RABGAP1L: variants seen among roughly 807,000 people sequenced by gnomAD.
The protein encoded by RABGAP1L is rab GTPase-activating protein 1-like.
In RABGAP1L, 63 loss-of-function variants were observed where a neutral mutation model predicts 137.7. That is an observed-to-expected ratio of 0.46 (90% CI 0.37 to 0.56). RABGAP1L has a LOEUF of 0.56. RABGAP1L is among the 20% of genes least tolerant of loss of function. The pLI, the probability that RABGAP1L is intolerant of heterozygous loss-of-function variation, is 0.00. For synonymous variants in RABGAP1L, 431 were observed against 433.7 expected (o/e 0.99, Z 0.08); for missense variants, 1,095 against 1,244.0 (o/e 0.88, Z 1.80).
At position 174,919,625 on chromosome 1, in the gene RABGAP1L, G is replaced by A. The variant is rs1661477425; in HGVS notation, c.2341-37832G>A. Among the ~76,000 whole-genome samples the A allele has an allele frequency of 2.0e-5, 3 of 152,278 alleles. No homozygotes were observed. The South Asian group carries it at 6.2e-4, about 32-fold the overall frequency. On this transcript the variant is annotated intron_variant, in intron 19 of 25. Coordinates refer to ENST00000681986, the MANE Select transcript of RABGAP1L (RefSeq NM_001366446.1). ...TCTCAGTACTTTGGGAGGCCAAGGT[G>A]GGAGGATTGCTTGAATCCAGGAATT...
At chr1:174,333,221 G>A (rs1256437078) in intron 11 of RABGAP1L, among the ~76,000 whole-genome samples, 9 of 152,156 alleles carry the variant, frequency 5.9e-5, no homozygotes, top group Non-Finnish European at 1.2e-4. Flanking sequence ...GTTACAGTTA[G>A]GTAAGAGGAA....
intron 18 of RABGAP1L, among the ~76,000 whole-genome samples, chr1:174,763,234 A>T (rs1337892682): frequency 6.6e-6 from 1 of 151,884 alleles, no homozygotes; most frequent in African/African-American, 2.4e-5. Flanking sequence ...ATGTACAATT[A>T]GTGGCTGGGT....
chr1:174,419,666 G>C (rs1651024881), intron 13 of RABGAP1L, among the ~76,000 whole-genome samples: 1 of 152,126 alleles, frequency 6.6e-6, no homozygotes, highest in Non-Finnish European at 1.5e-5. Context: ...AGAATATTAT[G>C]TAAATAAATA....
Position 174,972,796 on chromosome 1 carries a change from G to A in RABGAP1L, c.2545-3282G>A, listed in dbSNP as rs151114710. ...TTGAACCTGGGAGGTGGAGGTTGCA[G>A]TGAGCCAAGATCGCACCATTGTACT... On this transcript the variant is annotated intron_variant, in intron 21 of 25. Coordinates refer to ENST00000681986, the MANE Select transcript of RABGAP1L (RefSeq NM_001366446.1). Among the ~76,000 whole-genome samples the A allele has an allele frequency of 2.7e-3, 375 of 139,602 alleles. 2 individuals are homozygous for A. The highest frequency in any genetic ancestry group is 4.4e-3 in the Non-Finnish European group (292 of 66,304). 91.6% of individuals were successfully genotyped at this position (139,602 alleles called of 152,430 possible).
chr1:174,252,628 A>G (rs1455514318), intron 7 of RABGAP1L, 38 bp downstream of exon 7: 4 of 1,592,032 alleles, frequency 2.5e-6, no homozygotes, highest in Admixed American at 1.9e-5. Flanking sequence ...AAAAACTTGT[A>G]TTGACATTGT....
chr1:174,393,987 C>T lies in RABGAP1L; in HGVS notation c.1560-8C>T, dbSNP rs1401075487. ...AAGTGTGAATGGATTATTTTCTTGT[C>T]TTCTCAGGCACAGTAACCTTGGTGC... is the stretch of plus-strand genomic sequence containing the variant. On this transcript the variant is annotated splice_region_variant and splice_polypyrimidine_tract_variant and intron_variant, in intron 12 of 25. Coordinates refer to ENST00000681986, the MANE Select transcript of RABGAP1L (RefSeq NM_001366446.1). The T allele has an allele frequency of 7.5e-6, 12 of 1,609,676 alleles. No individual in the cohort carries two copies. The highest frequency in any genetic ancestry group is 1.3e-5 in the African/African-American group (1 of 74,676).
intron 17 of RABGAP1L, among the ~76,000 whole-genome samples, chr1:174,734,425 AAAAAAT>A (rs1373326184): frequency 6.6e-5 from 10 of 152,130 alleles, no homozygotes; most frequent in East Asian, 1.9e-4. Flanking sequence ...GACCTCATTA[AAAAAAT>A]AAAAATAAAA....
At chr1:174,483,077 A>G (rs1659278418) in intron 13 of RABGAP1L, among the ~76,000 whole-genome samples, 1 of 152,218 alleles carries the variant, frequency 6.6e-6, no homozygotes, top group Admixed American at 6.5e-5. Flanking sequence ...TAATAATCAC[A>G]TCAGGGAAAG....
intron 13 of RABGAP1L, 102 bp downstream of exon 13, chr1:174,394,247 T>A (rs908955525): frequency 1.1e-4 from 144 of 1,367,504 alleles, no homozygotes; most frequent in Non-Finnish European, 1.3e-4. Flanking sequence ...AACTTCTTCA[T>A]GAATATATTG....
chr1:174,851,532 T>G (rs1049691108), intron 19 of RABGAP1L, among the ~76,000 whole-genome samples: 2 of 151,888 alleles, frequency 1.3e-5, no homozygotes, highest in Non-Finnish European at 2.9e-5. Flanking sequence ...ATTTCTTTCT[T>G]TTTTTTTGAG....
At chr1:174,642,565 A>G (rs925793765) in intron 14 of RABGAP1L, among the ~76,000 whole-genome samples, 9 of 152,064 alleles carry the variant, frequency 5.9e-5, no homozygotes, top group African/African-American at 2.2e-4. Context: ...ACTACTTTTA[A>G]TTCAACTCTT....
intron 18 of RABGAP1L, among the ~76,000 whole-genome samples, chr1:174,762,098 G>T (rs1685273371): frequency 6.6e-6 from 1 of 152,112 alleles, no homozygotes; most frequent in African/African-American, 2.4e-5. Context: ...ATGGAAGCCA[G>T]CGAGACTGCA....
rs769934839 is a variant in RABGAP1L, at chr1:174,608,831, G to C, written c.1711-28544G>C. On this transcript the variant is annotated intron_variant, in intron 13 of 25. Transcript: ENST00000681986. Reference sequence around the variant, plus strand: ...TTTAGGAAATTGATTATTTGAAATAGTTTAGGCATAAAGTGATAATATCCT... The same window carrying C: ...TTTAGGAAATTGATTATTTGAAATACTTTAGGCATAAAGTGATAATATCCT... Among the ~76,000 whole-genome samples, 49 of 152,122 alleles carry C rather than the reference G, an allele frequency of 3.2e-4. 1 individual carries two copies. Among genetic ancestry groups the C allele is most frequent in the Admixed American group, 1.8e-3 (28 of 15,264 alleles).
chr1:174,935,748 G>A (rs1329216529), intron 19 of RABGAP1L, among the ~76,000 whole-genome samples: 1 of 152,094 alleles, frequency 6.6e-6, no homozygotes, highest in Non-Finnish European at 1.5e-5. Context: ...TTGGGAGGCC[G>A]AGGCGGGCGG....
At chr1:174,349,771 C>G (rs1319651753) in intron 11 of RABGAP1L, among the ~76,000 whole-genome samples, 2 of 126,200 alleles carry the variant, frequency 1.6e-5, no homozygotes, top group African/African-American at 5.4e-5. Flanking sequence ...GGCGGCTGGC[C>G]GGGCAGAGGG....
chr1:174,219,425 A>G (rs1669589252), intron 2 of RABGAP1L, 130 bp downstream of exon 2: 2 of 619,672 alleles, frequency 3.2e-6, no homozygotes, highest in South Asian at 4.6e-5. Flanking sequence ...TGATTTATCC[A>G]GACCCTAATT....
chr1:174,632,240 G>T (rs1198757179), intron 13 of RABGAP1L, among the ~76,000 whole-genome samples: 2 of 143,520 alleles, frequency 1.4e-5, no homozygotes, highest in African/African-American at 5.5e-5. Flanking sequence ...CTTCTGGCTT[G>T]TAGGGTTTCT....
At chr1:174,373,080 C>T (rs1388073898) in intron 12 of RABGAP1L, among the ~76,000 whole-genome samples, 2 of 152,188 alleles carry the variant, frequency 1.3e-5, no homozygotes, top group Non-Finnish European at 1.5e-5. Flanking sequence ...GCATTGTCCA[C>T]CTAAATGTAC....
intron 19 of RABGAP1L, among the ~76,000 whole-genome samples, chr1:174,954,950 G>A (rs1399999618): frequency 6.6e-6 from 1 of 152,172 alleles, no homozygotes; most frequent in Non-Finnish European, 1.5e-5. Context: ...TATGATTAAT[G>A]TATATAGAGA....
Sources: allele counts gnomAD v4.1 joint callset (sites outside exome capture counted in the v4.1 genomes callset), GRCh38; gene constraint gnomAD v4.1.1; transcripts MANE v1.5; gene names NCBI Gene and HGNC (gene_info 2026-07-23, HGNC 2026-07-21).